Variants in LMTK2 observed in about 807,000 individuals in gnomAD.
LMTK2 encodes the protein lemur tail kinase 2, also known as serine/threonine-protein kinase LMTK2.
Under a neutral mutation model 127.5 loss-of-function variants are expected in LMTK2, and 37 were observed. The observed-to-expected ratio is 0.29, with a 90% CI of 0.22 to 0.38. The LOEUF (loss-of-function observed/expected upper bound fraction) is 0.38, where lower values mean the gene tolerates loss of function less well. LMTK2 is among the 10% of genes least tolerant of loss of function. The pLI, the probability that LMTK2 is intolerant of heterozygous loss-of-function variation, is 1.00. For synonymous variants in LMTK2, 819 were observed against 810.1 expected (o/e 1.01, Z -0.19); for missense variants, 1,694 against 1,920.3 (o/e 0.88, Z 2.20).
At chr7:98,154,275 G>T (rs972507182) in intron 4 of LMTK2, among the ~76,000 whole-genome samples, 1 of 152,182 alleles carries the variant, frequency 6.6e-6, no homozygotes, top group African/African-American at 2.4e-5. Context: ...GATGGAGTGC[G>T]ATGGGTGTTT....
At chr7:98,168,641 G>T (rs1797138808) in intron 6 of LMTK2, among the ~76,000 whole-genome samples, 1 of 152,160 alleles carries the variant, frequency 6.6e-6, no homozygotes, top group Non-Finnish European at 1.5e-5. Flanking sequence ...CTAGTGTCCT[G>T]CAGAAAAGCT....
chr7:98,129,733 T>C (rs896983828), intron 1 of LMTK2, among the ~76,000 whole-genome samples: 2 of 150,628 alleles, frequency 1.3e-5, no homozygotes, highest in African/African-American at 5.0e-5. Flanking sequence ...TTTTCCTGTT[T>C]CGTTCCCTTG....
At chr7:98,129,443 T>C (rs1233380413) in intron 1 of LMTK2, among the ~76,000 whole-genome samples, 1 of 152,064 alleles carries the variant, frequency 6.6e-6, no homozygotes, top group Non-Finnish European at 1.5e-5. Flanking sequence ...AGTGGTGTGA[T>C]CGTAGCTTAC....
chr7:98,205,311 C>G (rs1039117360), intron 13 of LMTK2, among the ~76,000 whole-genome samples, 153 bp from the exon 14 acceptor site: 2 of 152,180 alleles, frequency 1.3e-5, no homozygotes, highest in African/African-American at 2.4e-5. Flanking sequence ...GGGCTGCTTC[C>G]GAAGGAAAGG....
At chr7:98,202,025 C>G (rs922249175) in intron 11 of LMTK2, among the ~76,000 whole-genome samples, 1 of 152,112 alleles carries the variant, frequency 6.6e-6, no homozygotes, top group Non-Finnish European at 1.5e-5. Context: ...CTTTTTCTGC[C>G]CCACGCCCTG....
intron 1 of LMTK2, among the ~76,000 whole-genome samples, chr7:98,116,593 T>C (rs1796290469): frequency 6.6e-6 from 1 of 152,158 alleles, no homozygotes; most frequent in Non-Finnish European, 1.5e-5. Flanking sequence ...TCACAACAAT[T>C]TTAGATTTAC....
At position 98,192,246 on chromosome 7, in the gene LMTK2, G is replaced by C. The variant is rs1186059562; in HGVS notation, c.1781G>C (p.Ser594Thr). ...CTGTCCCAGCTCACGGCGCTCAGGA[G>C]CGTTGAACTTGAGGAGTCCAGTACA... ...PELSQLTALR[S>T]VELEESSTDE... Residue 594 changes from serine to threonine, a missense_variant, in exon 11 of 14, where the codon AGC becomes ACC. Physicochemically the swap from Ser to Thr is moderately conservative, Grantham distance 58. Around this residue, in one of 8 missense-constraint regions of LMTK2, gnomAD observed 527 missense variants for 539.8 expected, o/e 0.98. Coordinates refer to ENST00000297293, the MANE Select transcript of LMTK2 (RefSeq NM_014916.4). 2.0e-6 allele frequency: 3 copies of C among 1,525,048 alleles called. No homozygotes were observed. Among genetic ancestry groups the C allele is most frequent in the South Asian group, 1.3e-5 (1 of 74,964 alleles). 94.5% of individuals were successfully genotyped at this position (1,525,048 alleles called of 1,614,324 possible).
At chr7:98,110,460 A>G (rs1796186208) in intron 1 of LMTK2, among the ~76,000 whole-genome samples, 2 of 152,066 alleles carry the variant, frequency 1.3e-5, no homozygotes, top group Non-Finnish European at 2.9e-5. Context: ...GTAGACTAAG[A>G]CTTGTTGGTC....
chr7:98,135,028 G>T (rs1336116936), intron 1 of LMTK2, among the ~76,000 whole-genome samples: 1 of 152,190 alleles, frequency 6.6e-6, no homozygotes, highest in Non-Finnish European at 1.5e-5. Flanking sequence ...GACTGAGCCC[G>T]CATGTAACAA....
At chr7:98,122,797 G>C (rs1796384677) in intron 1 of LMTK2, among the ~76,000 whole-genome samples, 1 of 149,978 alleles carries the variant, frequency 6.7e-6, no homozygotes, top group South Asian at 2.1e-4. Flanking sequence ...GGGCTTACAG[G>C]CTGAGCCACT....
At chr7:98,129,281 C>G (rs912279511) in intron 1 of LMTK2, among the ~76,000 whole-genome samples, 1 of 152,024 alleles carries the variant, frequency 6.6e-6, no homozygotes, top group African/African-American at 2.4e-5. Flanking sequence ...GAGACCCAGG[C>G]TGGTTTTGAA....
chr7:98,146,168 G>C (rs150940695), intron 3 of LMTK2, among the ~76,000 whole-genome samples: 1 of 152,240 alleles, frequency 6.6e-6, no homozygotes, highest in Non-Finnish European at 1.5e-5. Flanking sequence ...TCTTGATACA[G>C]ACTCTTGATC....
Position 98,203,696 on chromosome 7 carries a change from C to T in LMTK2, c.4230C>T (p.Thr1410=), listed in dbSNP as rs143044215. The T allele has an allele frequency of 5.3e-5, 85 of 1,613,550 alleles. No homozygotes were observed. The highest frequency in any genetic ancestry group is 6.9e-5 in the Non-Finnish European group (82 of 1,179,964). The stretch of plus-strand genomic sequence containing the variant: ...GGTGCATCAACTCCGAAAGCTCCAC[C>T]GACGAAGAAGGTATTTCACGTCATT... The part of the protein sequence containing the change: ...LSRCINSESS[T]DEEGGGFEWD... The change falls in exon 12 of 14, where the codon ACC becomes ACT. Residue 1410 remains threonine (T), a synonymous_variant. Coordinates refer to ENST00000297293, the MANE Select transcript of LMTK2 (RefSeq NM_014916.4).
intron 3 of LMTK2, among the ~76,000 whole-genome samples, chr7:98,150,378 A>T (rs1796836305): frequency 6.6e-6 from 1 of 152,162 alleles, no homozygotes; most frequent in South Asian, 2.1e-4. Flanking sequence ...TAAGATGAAT[A>T]AGACTGACTA....
At chr7:98,143,692 T>C (rs1438449243) in intron 3 of LMTK2, among the ~76,000 whole-genome samples, 2 of 152,214 alleles carry the variant, frequency 1.3e-5, no homozygotes, top group Admixed American at 6.5e-5. Flanking sequence ...TATAAATTGC[T>C]GAAGATGTTC....
intron 7 of LMTK2, among the ~76,000 whole-genome samples, 167 bp from the exon 8 acceptor site, chr7:98,184,884 A>G (rs1267812733): frequency 6.6e-6 from 1 of 152,224 alleles, no homozygotes; most frequent in Non-Finnish European, 1.5e-5. Context: ...TTGATGACAT[A>G]TGTAATACTT....
intron 7 of LMTK2, among the ~76,000 whole-genome samples, chr7:98,175,994 T>C (rs1562915178): frequency 6.6e-6 from 1 of 152,182 alleles, no homozygotes; most frequent in Non-Finnish European, 1.5e-5. Context: ...ACAAGCTTAA[T>C]AGCAAAAGAT....
intron 1 of LMTK2, among the ~76,000 whole-genome samples, chr7:98,109,847 G>A (rs1384529104): frequency 6.6e-6 from 1 of 151,998 alleles, no homozygotes; most frequent in South Asian, 2.1e-4. Context: ...GTTAGCTGAG[G>A]TGGGTTCTTG....
intron 1 of LMTK2, among the ~76,000 whole-genome samples, chr7:98,117,096 A>G (rs950193002): frequency 6.6e-6 from 1 of 152,210 alleles, no homozygotes. Context: ...TTCACCCTGT[A>G]AAGTTACTCT....
Sources: allele counts gnomAD v4.1 joint callset (sites outside exome capture counted in the v4.1 genomes callset), GRCh38; gene constraint gnomAD v4.1.1; regional missense constraint gnomAD v4.1.1; transcripts MANE v1.5; gene names NCBI Gene and HGNC (gene_info 2026-07-23, HGNC 2026-07-21).